Variants in NRXN3 observed in about 807,000 individuals in gnomAD.
NRXN3 encodes the protein neurexin III.
A neutral mutation model predicts 137.6 loss-of-function variants in NRXN3; 32 were observed. The observed-to-expected ratio is 0.23, with a 90% CI of 0.18 to 0.31. The LOEUF is 0.31. Among genes scored for constraint, NRXN3 ranks in the 10% least tolerant of loss-of-function variants. NRXN3 has a pLI of 1.00. For missense variants in NRXN3, 1,574 were observed against 2,062.5 expected (o/e 0.76, Z 4.59); for synonymous variants, 798 against 784.5 (o/e 1.02, Z -0.29).
chr14:79,343,785 A>G (rs2092730668), intron 15 of NRXN3, among the ~76,000 whole-genome samples: 1 of 152,168 alleles, frequency 6.6e-6, no homozygotes, highest in Non-Finnish European at 1.5e-5. Flanking sequence ...GTTTACCTGC[A>G]CAGTCTGGAG....
intron 10 of NRXN3, among the ~76,000 whole-genome samples, chr14:78,940,716 A>G (rs904580402): frequency 2.0e-5 from 3 of 152,090 alleles, no homozygotes; most frequent in African/African-American, 7.2e-5. Context: ...TTTTTCTCTT[A>G]TTTCTTCCCT....
intron 4 of NRXN3, among the ~76,000 whole-genome samples, chr14:78,405,413 A>G (rs1280869354): frequency 6.6e-6 from 1 of 152,126 alleles, no homozygotes; most frequent in Non-Finnish European, 1.5e-5. Context: ...CCTATTTGAA[A>G]CTGAATCAGG....
chr14:79,706,289 C>T (rs1318453714), intron 19 of NRXN3, among the ~76,000 whole-genome samples: 1 of 152,190 alleles, frequency 6.6e-6, no homozygotes, highest in Non-Finnish European at 1.5e-5. Context: ...TATCACCCAC[C>T]TTTCCCTTTC....
intron 16 of NRXN3, among the ~76,000 whole-genome samples, chr14:79,503,580 A>T (rs995839525): frequency 1.3e-5 from 2 of 152,110 alleles, no homozygotes; most frequent in African/African-American, 4.8e-5. Context: ...GTGCTCTGAT[A>T]TGCCTTCCCA....
chr14:79,685,751 T>C (rs772274201), intron 17 of NRXN3, among the ~76,000 whole-genome samples: 2 of 152,220 alleles, frequency 1.3e-5, no homozygotes, highest in African/African-American at 2.4e-5. Context: ...TAATGATTGG[T>C]AAAATATGTT....
chr14:79,808,958 T>TG (rs1362491830), intron 20 of NRXN3, among the ~76,000 whole-genome samples: 1 of 152,132 alleles, frequency 6.6e-6, no homozygotes, highest in Non-Finnish European at 1.5e-5. Flanking sequence ...TAAATATTTT[T>TG]GGAGTTTGGT....
chr14:78,861,933 G>A (rs900645370), intron 10 of NRXN3, among the ~76,000 whole-genome samples: 1 of 152,028 alleles, frequency 6.6e-6, no homozygotes, highest in African/African-American at 2.4e-5. Context: ...TAATTATTTA[G>A]TTAGCAATGT....
At chr14:78,494,308 AG>A (rs776501726) in intron 4 of NRXN3, among the ~76,000 whole-genome samples, 2 of 152,098 alleles carry the variant, frequency 1.3e-5, no homozygotes, top group Admixed American at 6.6e-5. Context: ...AAATGGAATT[AG>A]GGTCAGAAGA....
intron 10 of NRXN3, among the ~76,000 whole-genome samples, chr14:78,933,875 C>CCTGT (rs34646921): frequency 0.27 from 41,544 of 151,554 alleles, 8,453 homozygotes; most frequent in African/African-American, 0.56. Context: ...AATTATTTCT[C>CCTGT]CTAACTAACT....
chr14:79,446,039 T>G (rs1395895142), intron 15 of NRXN3, among the ~76,000 whole-genome samples: 1 of 152,182 alleles, frequency 6.6e-6, no homozygotes, highest in Non-Finnish European at 1.5e-5. Context: ...CATGCTATAG[T>G]GTTCTAGGGT....
chr14:78,797,491 G>A (rs1306344402), intron 8 of NRXN3, among the ~76,000 whole-genome samples: 1 of 152,012 alleles, frequency 6.6e-6, no homozygotes, highest in Non-Finnish European at 1.5e-5. Context: ...AAAATTAAAG[G>A]AGAATGAGAA....
intron 15 of NRXN3, among the ~76,000 whole-genome samples, chr14:79,080,346 G>A (rs1217325191): frequency 6.6e-6 from 1 of 152,174 alleles, no homozygotes; most frequent in African/African-American, 2.4e-5. Flanking sequence ...TTGGAAAATG[G>A]TGTTAAAAGA....
rs1055229615 is a variant in NRXN3 at position 79,282,274 on chromosome 14, G to A, written c.3263-184947G>A. Among the ~76,000 whole-genome samples, 3 of 152,126 alleles carry A rather than the reference G, an allele frequency of 2.0e-5. No individual in the cohort carries two copies. The South Asian group carries it at 6.2e-4, about 32-fold the overall frequency. ...GGAGATAGGGGAAGCCAGAGAGACT[G>A]TTACTAATAGCCATAATTAAACACG... On this transcript the variant is annotated intron_variant, in intron 15 of 20. Coordinates refer to ENST00000335750, the MANE Select transcript of NRXN3 (RefSeq NM_001330195.2).
intron 15 of NRXN3, among the ~76,000 whole-genome samples, chr14:79,412,012 A>G (rs1330652508): frequency 2.0e-5 from 3 of 152,130 alleles, no homozygotes; most frequent in Non-Finnish European, 4.4e-5. Flanking sequence ...CTGCCACTGT[A>G]GGGAGTAGTA....
intron 15 of NRXN3, among the ~76,000 whole-genome samples, chr14:79,209,326 C>T (rs950794376): frequency 1.4e-5 from 2 of 147,350 alleles, no homozygotes; most frequent in African/African-American, 4.9e-5. Context: ...AAAAAAAAAA[C>T]AGAGGTCCAA....
intron 1 of NRXN3, among the ~76,000 whole-genome samples, chr14:78,241,944 C>A (rs1476107640): frequency 6.6e-6 from 1 of 152,058 alleles, no homozygotes; most frequent in East Asian, 1.9e-4. Flanking sequence ...AGCAATTTGC[C>A]TTAGGCTTCC....
At chr14:79,155,519 T>A (rs558439622) in intron 15 of NRXN3, among the ~76,000 whole-genome samples, 1 of 152,096 alleles carries the variant, frequency 6.6e-6, no homozygotes, top group Non-Finnish European at 1.5e-5. Flanking sequence ...TAAGTTGATT[T>A]ATTTTACTTA....
At chr14:78,958,972 C>T (rs764854809) in intron 11 of NRXN3, among the ~76,000 whole-genome samples, 6 of 152,178 alleles carry the variant, frequency 3.9e-5, no homozygotes, top group Non-Finnish European at 8.8e-5. Flanking sequence ...GATAGATATA[C>T]TAAACCTCTT....
chr14:78,790,159 CTA>C (rs71131659), intron 8 of NRXN3, among the ~76,000 whole-genome samples: 8,017 of 152,206 alleles, frequency 0.053, 273 homozygotes, highest in South Asian at 0.12. Flanking sequence ...AGAAAAGTCT[CTA>C]TAAACTTTTT....
Sources: allele counts gnomAD v4.1 joint callset (sites outside exome capture counted in the v4.1 genomes callset), GRCh38; gene constraint gnomAD v4.1.1; transcripts MANE v1.5; gene names NCBI Gene and HGNC (gene_info 2026-07-23, HGNC 2026-07-21).